Variants in TNKS2 observed in about 807,000 individuals in gnomAD.
TNKS2 encodes tankyrase 2.
In TNKS2, 72 loss-of-function variants were observed where a neutral mutation model predicts 137.6. The ratio of observed to expected loss-of-function variants is 0.52; its 90% CI spans 0.43 to 0.64. The LOEUF is 0.64. Among genes scored for constraint, TNKS2 ranks in the 30% least tolerant of loss-of-function variants. TNKS2 has a pLI of 0.00. For missense variants in TNKS2, 1,049 were observed against 1,410.2 expected (o/e 0.74, Z 4.10); for synonymous variants, 516 against 512.1 (o/e 1.01, Z -0.10).
At chr10:91,809,518 T>C (rs532927231) in intron 1 of TNKS2, among the ~76,000 whole-genome samples, 99 of 151,066 alleles carry the variant, frequency 6.6e-4, no homozygotes, top group African/African-American at 2.3e-3. Context: ...TACAAAAAAT[T>C]AGCTGGGCGT....
chr10:91,858,751 G>A (rs951140187), intron 24 of TNKS2, among the ~76,000 whole-genome samples: 1 of 152,226 alleles, frequency 6.6e-6, no homozygotes. Flanking sequence ...GCTCACGCCT[G>A]TAATCCCAAC....
chr10:91,817,809 GT>G (rs1483762015), intron 3 of TNKS2, among the ~76,000 whole-genome samples: 1 of 152,164 alleles, frequency 6.6e-6, no homozygotes, highest in Admixed American at 6.5e-5. Context: ...TAAGGCTATA[GT>G]TTAGATTGAC....
chr10:91,839,318 C>T (rs1842137177), intron 13 of TNKS2, among the ~76,000 whole-genome samples: 2 of 149,352 alleles, frequency 1.3e-5, no homozygotes, highest in South Asian at 4.3e-4. Context: ...CTCCCCAGGA[C>T]TGTATAAACC....
At chr10:91,853,382 A>AT (rs1842609500) in intron 21 of TNKS2, among the ~76,000 whole-genome samples, 1 of 152,214 alleles carries the variant, frequency 6.6e-6, no homozygotes, top group African/African-American at 2.4e-5. Flanking sequence ...CTGATCTAGC[A>AT]TATCAGGGTT....
chr10:91,830,826 T>C, intron 9 of TNKS2, 97 bp from the exon 10 acceptor site: 1 of 1,063,008 alleles, frequency 9.4e-7, no homozygotes, highest in Non-Finnish European at 1.3e-6. Context: ...AACAAAAAGA[T>C]TAAATAACTA....
At chr10:91,818,385 CATG>C (rs756474773) in intron 3 of TNKS2, among the ~76,000 whole-genome samples, 6 of 149,366 alleles carry the variant, frequency 4.0e-5, no homozygotes, top group Non-Finnish European at 9.0e-5. Flanking sequence ...ATTAAATAAA[CATG>C]ATATTAGTGT....
Position 91,862,157 on chromosome 10 carries a change from T to C in TNKS2, c.3438+2T>C. ...TATGTTATTTACAGAGGAGAACAGG[T>C]AATGTAGTTTTATTTGTTCATCTTC... On this transcript the variant is annotated splice_donor_variant, in intron 26 of 26. Transcript: ENST00000371627. LOFTEE classifies it high-confidence loss of function. 6.4e-7 allele frequency: 1 copy of C among 1,574,528 alleles called. No individual in the cohort carries two copies. The highest frequency in any genetic ancestry group is 8.6e-7 in the Non-Finnish European group (1 of 1,162,348).
intron 26 of TNKS2, 60 bp downstream of exon 26, chr10:91,862,215 A>G (rs1842870808): frequency 2.2e-6 from 3 of 1,353,842 alleles, no homozygotes; most frequent in Admixed American, 5.1e-5. Context: ...TTAACTTTTT[A>G]TTAATCTCTT....
Position 91,830,972 on chromosome 10 carries a change from T to C in TNKS2, c.1154T>C (p.Leu385Pro). The C allele has an allele frequency of 1.9e-6, 3 of 1,612,296 alleles. No homozygotes were observed. Among genetic ancestry groups the C allele is most frequent in the Non-Finnish European group, 1.7e-6 (2 of 1,179,764 alleles). The change falls in exon 10 of 27, where the codon CTG becomes CCG. Residue 385 changes from leucine (L) to proline (P), a missense_variant. This residue lies in a region of TNKS2 where 328 missense variants were observed against 436.0 expected (regional missense o/e 0.75). Transcript: ENST00000371627. ...CCCAAAAGAAAGCAAATATGTGAACTGTTGCTAAGAAAAGGAGCAAACATC... is the reference window on the plus strand; with the variant it reads ...CCCAAAAGAAAGCAAATATGTGAACCGTTGCTAAGAAAAGGAGCAAACATC... Reference protein sequence around the residue: ...PYPKRKQICELLLRKGANINE... With the variant: ...PYPKRKQICEPLLRKGANINE...
In TNKS2 at chr10:91,801,926, T is replaced by G. The variant is rs549516860; in HGVS notation, c.199+3037T>G. On this transcript the variant is annotated intron_variant, in intron 1 of 26. Coordinates refer to ENST00000371627, the MANE Select transcript of TNKS2 (RefSeq NM_025235.4). The stretch of plus-strand genomic sequence containing the variant: ...ATTTCAGTAAAGAAGACTCTGCTTC[T>G]GTGAACTTATTTCTAAAAAGTAAAG... 6.6e-5 allele frequency among the ~76,000 whole-genome samples: 10 copies of G among 152,358 alleles called. No individual in the cohort carries two copies. The East Asian group carries it at 1.9e-3, about 29-fold the overall frequency.
At chr10:91,842,024 A>T (rs1456227676) in intron 15 of TNKS2, 148 bp from the exon 16 acceptor site, 1 of 484,866 alleles carries the variant, frequency 2.1e-6, no homozygotes, top group African/African-American at 2.0e-5. Context: ...CTTTGTATAA[A>T]CATTAGTAAC....
intron 2 of TNKS2, among the ~76,000 whole-genome samples, chr10:91,816,845 A>G (rs1844718482): frequency 1.3e-5 from 2 of 152,202 alleles, no homozygotes; most frequent in South Asian, 4.1e-4. Context: ...TTTCCCTTAC[A>G]CACTCTTATC....
At chr10:91,836,034 ATTTTTT>A (rs777452772) in intron 12 of TNKS2, among the ~76,000 whole-genome samples, 2 of 53,524 alleles carry the variant, frequency 3.7e-5, no homozygotes, top group African/African-American at 7.8e-5. Context: ...TGTGTGTGTA[ATTTTTT>A]TTTTTTTTTT....
chr10:91,801,250 C>T (rs1011373896), intron 1 of TNKS2, among the ~76,000 whole-genome samples: 1 of 152,120 alleles, frequency 6.6e-6, no homozygotes, highest in Non-Finnish European at 1.5e-5. Context: ...CCGTTGCTAG[C>T]ACCAAGAGAG....
At chr10:91,835,643 T>A (rs1337323972) in intron 12 of TNKS2, among the ~76,000 whole-genome samples, 1 of 148,304 alleles carries the variant, frequency 6.7e-6, no homozygotes, top group Non-Finnish European at 1.5e-5. Flanking sequence ...TTATTTATTT[T>A]TGAGATGGAG....
Position 91,810,930 on chromosome 10 carries a change from T to C in TNKS2, c.200-2053T>C, listed in dbSNP as rs1344524860. ...TCTCTCTTTTCTTTTCTTTTTTTTT[T>C]TTTTTTTTTTTTTGAGATGGAGTCT... On this transcript the variant is annotated intron_variant, in intron 1 of 26. Transcript: ENST00000371627. Among the ~76,000 whole-genome samples the C allele has an allele frequency of 9.5e-5, 11 of 115,292 alleles. No homozygotes were observed. In the East Asian group the frequency reaches 3.0e-3, roughly 31 times the overall value. 75.6% of individuals were successfully genotyped at this position (115,292 alleles called of 152,430 possible). A position where few individuals can be genotyped will look rare whatever the true frequency, so the allele number is the denominator to read the frequency against.
intron 1 of TNKS2, among the ~76,000 whole-genome samples, chr10:91,809,483 G>A (rs796112576): frequency 2.3e-4 from 35 of 151,980 alleles, no homozygotes; most frequent in African/African-American, 7.7e-4. Context: ...TGGCTAACAC[G>A]GTGAAACCCC....
intron 2 of TNKS2, among the ~76,000 whole-genome samples, 159 bp downstream of exon 2, chr10:91,813,366 G>T (rs1844570784): frequency 6.6e-6 from 1 of 152,156 alleles, no homozygotes; most frequent in Admixed American, 6.5e-5. Flanking sequence ...GTGTCTTTTT[G>T]TGTGTAGTAC....
Position 91,813,138 on chromosome 10 carries a change from G to A in TNKS2, c.355G>A (p.Ala119Thr). Residue 119 changes from alanine to threonine, a missense_variant, in exon 2 of 27, where the codon GCT (alanine) becomes ACT (threonine). Physicochemically the swap from Ala to Thr is moderately conservative, Grantham distance 58 (BLOSUM62 0). This residue lies in a region of TNKS2 where 374 missense variants were observed against 460.8 expected (regional missense o/e 0.81). Transcript: ENST00000371627. ...LLLRHGADPN[A>T]RDNWNYTPLH... ...TTTGCGACATGGTGCAGACCCCAAT[G>A]CTCGAGATAATTGGAATTATACTCC... 1 of 1,614,130 alleles carries A rather than the reference G, an allele frequency of 6.2e-7. No homozygotes were observed. The highest frequency in any genetic ancestry group is 8.5e-7 in the Non-Finnish European group (1 of 1,180,028).
Sources: gnomAD v4.1 joint callset for allele counts (sites outside exome capture counted in the v4.1 genomes callset) on GRCh38, gnomAD v4.1.1 for gene constraint, gnomAD v4.1.1 regional missense constraint, MANE v1.5 for transcripts, NCBI Gene and HGNC (gene_info 2026-07-23, HGNC 2026-07-21) for gene names.